Variants in CHRM3 observed in about 807,000 individuals in gnomAD.
CHRM3 encodes the protein cholinergic receptor muscarinic 3.
A neutral mutation model predicts 41.8 loss-of-function variants in CHRM3; 11 were observed. That is an observed-to-expected ratio of 0.26 (90% CI 0.17 to 0.44). CHRM3 has a LOEUF of 0.44. Among genes scored for constraint, CHRM3 ranks in the 20% least tolerant of loss-of-function variants. CHRM3 has a pLI of 1.00. For missense variants in CHRM3, 571 were observed against 745.4 expected, an observed-to-expected ratio of 0.77 and a Z score of 2.72; for synonymous variants, 297 against 301.4, an observed-to-expected ratio of 0.99 and a Z score of 0.15.
At chr1:239,679,093 A>C (rs1205411466) in intron 5 of CHRM3, among the ~76,000 whole-genome samples, 1 of 151,532 alleles carries the variant, frequency 6.6e-6, no homozygotes, top group East Asian at 1.9e-4. Context: ...CTATTACATA[A>C]TATATGCATG....
intron 2 of CHRM3, among the ~76,000 whole-genome samples, chr1:239,521,758 A>C (rs1260468223): frequency 1.3e-5 from 2 of 152,168 alleles, no homozygotes; most frequent in African/African-American, 4.8e-5. Flanking sequence ...ACTAAAAAAA[A>C]CCGCAACAAA....
At chr1:239,764,076 T>G (rs1186052807) in intron 5 of CHRM3, among the ~76,000 whole-genome samples, 1 of 147,780 alleles carries the variant, frequency 6.8e-6, no homozygotes, top group East Asian at 2.0e-4. Flanking sequence ...CAGAGTGAGA[T>G]CCTATCTCCA....
At chr1:239,641,098 C>G (rs568735346) in intron 4 of CHRM3, among the ~76,000 whole-genome samples, 57 of 152,216 alleles carry the variant, frequency 3.7e-4, no homozygotes, top group South Asian at 1.2e-3. Context: ...TTAATCCTGA[C>G]TTCTAGTTTG....
intron 2 of CHRM3, among the ~76,000 whole-genome samples, chr1:239,511,836 A>G (rs1668943272): frequency 6.6e-6 from 1 of 152,238 alleles, no homozygotes; most frequent in Admixed American, 6.5e-5. Flanking sequence ...AAATGAATAG[A>G]TCCGGAAAGC....
intron 5 of CHRM3, among the ~76,000 whole-genome samples, chr1:239,789,132 C>T (rs575929867): frequency 2.4e-4 from 37 of 152,184 alleles, no homozygotes; most frequent in Admixed American, 2.4e-3. Flanking sequence ...TTCGTTGCAC[C>T]CATTCAGAAG....
chr1:239,805,405 G>T (rs1195889505), intron 5 of CHRM3, among the ~76,000 whole-genome samples: 1 of 152,140 alleles, frequency 6.6e-6, no homozygotes, highest in Non-Finnish European at 1.5e-5. Context: ...TTGACTGCAG[G>T]TCTATCAGCA....
At chr1:239,890,703 G>T (rs1678482600) in intron 6 of CHRM3, among the ~76,000 whole-genome samples, 1 of 152,122 alleles carries the variant, frequency 6.6e-6, no homozygotes, top group Non-Finnish European at 1.5e-5. Flanking sequence ...TATATGCTAT[G>T]TACAACATGG....
chr1:239,500,659 A>T (rs1283399164), intron 2 of CHRM3, among the ~76,000 whole-genome samples: 1 of 152,112 alleles, frequency 6.6e-6, no homozygotes, highest in Non-Finnish European at 1.5e-5. Context: ...AAAAGCATAA[A>T]TGACACAGAA....
intron 5 of CHRM3, among the ~76,000 whole-genome samples, chr1:239,729,364 C>T (rs1019769882): frequency 6.6e-6 from 1 of 151,856 alleles, no homozygotes; most frequent in Non-Finnish European, 1.5e-5. Context: ...GGCCTTGTTT[C>T]AGATGGAAGC....
At chr1:239,590,075 G>A (rs905099248) in intron 3 of CHRM3, among the ~76,000 whole-genome samples, 21 of 151,962 alleles carry the variant, frequency 1.4e-4, no homozygotes, top group Admixed American at 1.3e-4. Context: ...TAAAATCGTG[G>A]CTGTGATGGA....
At chr1:239,617,106 A>G (rs1052900033) in intron 3 of CHRM3, among the ~76,000 whole-genome samples, 4 of 152,156 alleles carry the variant, frequency 2.6e-5, no homozygotes, top group African/African-American at 9.7e-5. Context: ...ATGGTCAAAC[A>G]AAATTGAGAA....
chr1:239,507,972 T>C (rs1245548940), intron 2 of CHRM3, among the ~76,000 whole-genome samples: 3 of 152,150 alleles, frequency 2.0e-5, no homozygotes, highest in South Asian at 2.1e-4. Context: ...CAAGGCAGAA[T>C]TCAGTAATTA....
At chr1:239,761,129 T>C (rs143675979) in intron 5 of CHRM3, among the ~76,000 whole-genome samples, 1 of 152,204 alleles carries the variant, frequency 6.6e-6, no homozygotes, top group Non-Finnish European at 1.5e-5. Context: ...TCTCTATATA[T>C]CCCTATTAAT....
intron 3 of CHRM3, among the ~76,000 whole-genome samples, chr1:239,571,866 C>G (rs968409529): frequency 1.3e-5 from 2 of 152,072 alleles, no homozygotes; most frequent in African/African-American, 4.8e-5. Context: ...TTTCTTTTTT[C>G]CCCCTAGAGT....
At chr1:239,750,457 C>T (rs957528255) in intron 5 of CHRM3, among the ~76,000 whole-genome samples, 3 of 152,232 alleles carry the variant, frequency 2.0e-5, no homozygotes, top group African/African-American at 2.4e-5. Context: ...AGCAACTCTC[C>T]GAATACCATT....
At chr1:239,535,459 T>A (rs1324495007) in intron 2 of CHRM3, among the ~76,000 whole-genome samples, 1 of 149,516 alleles carries the variant, frequency 6.7e-6, no homozygotes, top group Non-Finnish European at 1.5e-5. Context: ...AAGATGCCTT[T>A]ATTTCCTATC....
At chr1:239,494,673 A>T (rs929014252) in intron 2 of CHRM3, among the ~76,000 whole-genome samples, 3 of 152,090 alleles carry the variant, frequency 2.0e-5, no homozygotes, top group Non-Finnish European at 2.9e-5. Flanking sequence ...AGCATGCATT[A>T]GTTCTTTTCC....
intron 1 of CHRM3, among the ~76,000 whole-genome samples, chr1:239,456,601 AC>A (rs1349355988): frequency 6.6e-6 from 1 of 152,162 alleles, no homozygotes; most frequent in Non-Finnish European, 1.5e-5. Flanking sequence ...GTGATGCGTG[AC>A]CGTATGTGTT....
At chr1:239,423,159 G>A (rs539618922) in intron 1 of CHRM3, among the ~76,000 whole-genome samples, 110 of 152,254 alleles carry the variant, frequency 7.2e-4, no homozygotes, top group African/African-American at 2.6e-3. Flanking sequence ...GGGAATCTCA[G>A]GAAAAGATTG....
Sources: allele counts gnomAD v4.1 joint callset (sites outside exome capture counted in the v4.1 genomes callset), GRCh38; gene constraint gnomAD v4.1.1; transcripts MANE v1.5; gene names NCBI Gene and HGNC (gene_info 2026-07-23, HGNC 2026-07-21).